LINGO1: variants seen among roughly 807,000 people sequenced by gnomAD.
LINGO1 encodes the protein leucine rich repeat and Ig domain containing 1.
A neutral mutation model predicts 37.3 loss-of-function variants in LINGO1; 11 were observed. The observed-to-expected ratio is 0.29, with a 90% CI of 0.19 to 0.49. The LOEUF is 0.49. Among genes scored for constraint, LINGO1 ranks in the 20% least tolerant of loss-of-function variants. LINGO1 has a pLI of 0.99. For missense variants in LINGO1, 585 were observed against 878.2 expected, an observed-to-expected ratio of 0.67 and a Z score of 4.22; for synonymous variants, 387 against 403.0, an observed-to-expected ratio of 0.96 and a Z score of 0.48.
chr15:77,652,720 G>GTCC (rs147371926), intron 3 of LINGO1, among the ~76,000 whole-genome samples: 20,247 of 152,050 alleles, frequency 0.13, 1,473 homozygotes, highest in African/African-American at 0.2. Flanking sequence ...TCACCAGGGA[G>GTCC]TCCTGGATTT....
rs140648353 is a variant in LINGO1 at position 77,751,162 on chromosome 15, C to A, written c.-256-16109G>T. Among the ~76,000 whole-genome samples, 517 of 152,234 alleles carry A rather than the reference C, an allele frequency of 3.4e-3. 6 individuals are homozygous for A. Among genetic ancestry groups the A allele is most frequent in the African/African-American group, 0.012 (491 of 41,498 alleles). Reference sequence around the variant, plus strand: ...GCCAGGTGTGAGCACAGGTGTGAATCTCTGCCTTTACTCATGCTATGCCCT... The same window carrying A: ...GCCAGGTGTGAGCACAGGTGTGAATATCTGCCTTTACTCATGCTATGCCCT... On this transcript the variant is annotated intron_variant, in intron 1 of 3. Coordinates refer to the LINGO1 transcript ENST00000561686.
rs559992340 is a variant in LINGO1 at position 77,731,052 on chromosome 15, G to A, written c.-195+3940C>T. ...TGGCCTTGGATAACGGGAGAATGATGTTTACTCATGCTTGGCATTCAATGT... is the reference window on the plus strand; with the variant it reads ...TGGCCTTGGATAACGGGAGAATGATATTTACTCATGCTTGGCATTCAATGT... On this transcript the variant is annotated intron_variant, in intron 2 of 3. Transcript: ENST00000561686. Among the ~76,000 whole-genome samples, 12 of 152,336 alleles carry A rather than the reference G, an allele frequency of 7.9e-5. No homozygotes were observed. In the East Asian group the frequency reaches 1.5e-3, roughly 20 times the overall value.
intron 1 of LINGO1, among the ~76,000 whole-genome samples, chr15:77,622,917 G>C (rs543219044): frequency 6.6e-6 from 1 of 152,126 alleles, no homozygotes; most frequent in South Asian, 2.1e-4. Context: ...CTGGATCTCC[G>C]GCCACCCTCT....
chr15:77,668,788 G>T (rs2075190376), intron 3 of LINGO1, among the ~76,000 whole-genome samples: 1 of 127,320 alleles, frequency 7.9e-6, no homozygotes. Context: ...AGCTCACAGG[G>T]GAATACACAC....
chr15:77,718,438 G>A (rs1020765787), intron 2 of LINGO1, among the ~76,000 whole-genome samples: 2 of 150,886 alleles, frequency 1.3e-5, no homozygotes, highest in South Asian at 2.1e-4. Flanking sequence ...ACACCTGGAC[G>A]AGCTCACACA....
intron 1 of LINGO1, among the ~76,000 whole-genome samples, chr15:77,811,908 T>C (rs1327850330): frequency 6.6e-6 from 1 of 151,840 alleles, no homozygotes; most frequent in Non-Finnish European, 1.5e-5. Context: ...CTATTCTCTC[T>C]ACTTTTTCGT....
intron 3 of LINGO1, among the ~76,000 whole-genome samples, chr15:77,650,192 G>A (rs1389986880): frequency 1.3e-5 from 2 of 152,236 alleles, no homozygotes; most frequent in Non-Finnish European, 2.9e-5. Flanking sequence ...TGTTTACGGC[G>A]TGGTGTGTAA....
intron 1 of LINGO1, among the ~76,000 whole-genome samples, chr15:77,692,016 A>G (rs2075612786): frequency 6.6e-6 from 1 of 152,104 alleles, no homozygotes; most frequent in African/African-American, 2.4e-5. Flanking sequence ...CTCCATGGAG[A>G]GTGTGGGCAG....
intron 1 of LINGO1, among the ~76,000 whole-genome samples, chr15:77,621,058 C>CTTTTT (rs72415268): frequency 0.15 from 22,857 of 148,186 alleles, 3,515 homozygotes; most frequent in African/African-American, 0.4. Context: ...GGTTTGGGGC[C>CTTTTT]TTTTTTTTTT....
chr15:77,628,871 C>G (rs1257407146), intron 1 of LINGO1, among the ~76,000 whole-genome samples: 1 of 152,182 alleles, frequency 6.6e-6, no homozygotes, highest in African/African-American at 2.4e-5. Flanking sequence ...GCTCTGTTTT[C>G]TTGGGTATAA....
intron 3 of LINGO1, among the ~76,000 whole-genome samples, chr15:77,661,618 C>T (rs556750684): frequency 6.6e-6 from 1 of 152,358 alleles, no homozygotes; most frequent in Admixed American, 6.5e-5. Context: ...GAAGGCAAGA[C>T]CTTCTCTGGC....
At chr15:77,734,216 C>T (rs927017238) in intron 2 of LINGO1, among the ~76,000 whole-genome samples, 5 of 152,218 alleles carry the variant, frequency 3.3e-5, no homozygotes, top group Non-Finnish European at 5.9e-5. Flanking sequence ...CCCAACTTCA[C>T]ACCCCTTCTG....
chr15:77,809,227 C>T (rs2076983852), intron 1 of LINGO1, among the ~76,000 whole-genome samples: 1 of 152,216 alleles, frequency 6.6e-6, no homozygotes, highest in Admixed American at 6.5e-5. Flanking sequence ...GCCTGCAGGT[C>T]AGCTCTCAGC....
chr15:77,669,079 T>C (rs934687654), intron 3 of LINGO1, among the ~76,000 whole-genome samples: 7 of 152,248 alleles, frequency 4.6e-5, no homozygotes, highest in African/African-American at 1.7e-4. Context: ...TATAATTACC[T>C]GTTAGGTAGC....
intron 1 of LINGO1, among the ~76,000 whole-genome samples, chr15:77,806,491 C>T (rs370617217): frequency 1.3e-5 from 2 of 152,118 alleles, no homozygotes; most frequent in Non-Finnish European, 2.9e-5. Context: ...GTCCCTGGGG[C>T]GAGCTTGACC....
At chr15:77,748,971 G>A (rs1464629360) in intron 1 of LINGO1, among the ~76,000 whole-genome samples, 39 of 134,046 alleles carry the variant, frequency 2.9e-4, no homozygotes, top group Middle Eastern at 9.4e-3. Flanking sequence ...GCACTGGCGT[G>A]ATATTGGCTC....
intron 1 of LINGO1, among the ~76,000 whole-genome samples, chr15:77,770,009 G>T (rs62007822): frequency 6.6e-6 from 1 of 151,974 alleles, no homozygotes; most frequent in Non-Finnish European, 1.5e-5. Context: ...TGCTGTCCTG[G>T]GGAGCTCTTC....
intron 1 of LINGO1, among the ~76,000 whole-genome samples, chr15:77,800,418 G>T (rs911006710): frequency 3.3e-5 from 5 of 152,186 alleles, no homozygotes; most frequent in Admixed American, 3.3e-4. Context: ...GAGCAGCAGT[G>T]ACCCCAAAGC....
intron 3 of LINGO1, chr15:77,667,945 G>A (rs536315464): frequency 1.3e-5 from 2 of 153,292 alleles, no homozygotes; most frequent in South Asian, 4.1e-4. Context: ...GGCTGGGGCT[G>A]AGGGCAAAGG....
Sources: allele counts gnomAD v4.1 joint callset (sites outside exome capture counted in the v4.1 genomes callset), GRCh38; gene constraint gnomAD v4.1.1; transcripts MANE v1.5; gene names NCBI Gene and HGNC (gene_info 2026-07-23, HGNC 2026-07-21).